Variants in NFIB observed in about 807,000 individuals in gnomAD.
The protein encoded by NFIB is nuclear factor I B.
A neutral mutation model predicts 61.5 loss-of-function variants in NFIB; 11 were observed. That is an observed-to-expected ratio of 0.18 (90% CI 0.11 to 0.30). NFIB has a LOEUF of 0.30. Among genes scored for constraint, NFIB ranks in the 10% least tolerant of loss-of-function variants. The pLI, the probability that NFIB is intolerant of heterozygous loss-of-function variation, is 1.00. For synonymous variants in NFIB, 260 were observed against 216.5 expected (o/e 1.20, Z -1.76); for missense variants, 471 against 608.9 (o/e 0.77, Z 2.38).
At chr9:14,415,294 C>T in the NFIB span, among the ~76,000 whole-genome samples, 2 of 152,196 alleles carry the variant, frequency 1.3e-5, no homozygotes, top group Non-Finnish European at 2.9e-5. Flanking sequence ...TTCATCAAGC[C>T]AGCAAGGAGA....
chr9:14,202,287 G>C (rs2049126007), intron 2 of NFIB, among the ~76,000 whole-genome samples: 2 of 152,164 alleles, frequency 1.3e-5, no homozygotes, highest in African/African-American at 4.8e-5. Flanking sequence ...ATGTGTAAAG[G>C]TGGTATGATG....
At chr9:14,136,903 A>G (rs1014758066) in intron 6 of NFIB, among the ~76,000 whole-genome samples, 5 of 152,192 alleles carry the variant, frequency 3.3e-5, no homozygotes, top group African/African-American at 1.2e-4. Flanking sequence ...TATAAATTGT[A>G]GTGTTTAAGT....
chr9:14,434,231 G>A, the NFIB span, among the ~76,000 whole-genome samples: 9 of 152,186 alleles, frequency 5.9e-5, no homozygotes, highest in African/African-American at 2.2e-4. Context: ...AGTTGTGATA[G>A]GAGAGGATTC....
intron 7 of NFIB, among the ~76,000 whole-genome samples, chr9:14,125,197 G>A (rs1016035875): frequency 8.6e-5 from 13 of 152,016 alleles, no homozygotes; most frequent in African/African-American, 2.7e-4. Flanking sequence ...TCACTCTGTC[G>A]CCTAGGCTGG....
chr9:14,231,135 A>AAAT (rs55959148), intron 2 of NFIB, among the ~76,000 whole-genome samples: 663 of 35,312 alleles, frequency 0.019, 11 homozygotes, highest in East Asian at 0.038. Flanking sequence ...AAAAAAAAAA[A>AAAT]ATATATATAT....
intron 3 of NFIB, among the ~76,000 whole-genome samples, chr9:14,173,879 T>C (rs557637844): frequency 2.6e-5 from 4 of 152,172 alleles, no homozygotes; most frequent in Non-Finnish European, 5.9e-5. Flanking sequence ...GTATTACAAA[T>C]AATCAGGCTA....
the NFIB span, among the ~76,000 whole-genome samples, chr9:14,523,800 C>T: frequency 1.5e-4 from 23 of 152,110 alleles, no homozygotes; most frequent in Non-Finnish European, 3.4e-4. Context: ...GGTCCGTCTG[C>T]TGCCCTACCA....
intron 1 of NFIB, chr9:14,361,292 G>T (rs965132020): frequency 6.6e-6 from 1 of 151,082 alleles, no homozygotes; most frequent in Admixed American, 6.6e-5. Flanking sequence ...GACTTTTGAG[G>T]ATTGCTTTTT....
the NFIB span, among the ~76,000 whole-genome samples, chr9:14,484,789 A>G: frequency 6.6e-6 from 1 of 152,226 alleles, no homozygotes; most frequent in African/African-American, 2.4e-5. Flanking sequence ...AGTCTTGGGG[A>G]GCCTGTATCT....
chr9:14,129,827 C>T (rs2040185722), intron 6 of NFIB, among the ~76,000 whole-genome samples: 1 of 151,936 alleles, frequency 6.6e-6, no homozygotes, highest in African/African-American at 2.4e-5. Context: ...ATAATGCATA[C>T]ATAATAATGC....
chr9:14,174,902 T>C (rs557105253), intron 3 of NFIB, among the ~76,000 whole-genome samples: 1 of 152,130 alleles, frequency 6.6e-6, no homozygotes, highest in African/African-American at 2.4e-5. Context: ...CCTATGCGAA[T>C]TTATCTGCCT....
chr9:14,236,405 A>T (rs1446368892), intron 2 of NFIB, among the ~76,000 whole-genome samples: 1 of 152,216 alleles, frequency 6.6e-6, no homozygotes, highest in Non-Finnish European at 1.5e-5. Context: ...AATTCTGACA[A>T]GCTGCTTATG....
At chr9:14,466,308 C>T in the NFIB span, among the ~76,000 whole-genome samples, 1 of 152,174 alleles carries the variant, frequency 6.6e-6, no homozygotes, top group Non-Finnish European at 1.5e-5. Context: ...GCAGGCAATA[C>T]TAAGGCAGCG....
At chr9:14,088,402 G>A in intron 10 of NFIB, 76 bp from the exon 11 acceptor site, 3 of 1,334,116 alleles carry the variant, frequency 2.2e-6, no homozygotes, top group Non-Finnish European at 2.9e-6. Context: ...AACAATATGA[G>A]AAATATAAAT....
intron 3 of NFIB, among the ~76,000 whole-genome samples, chr9:14,178,954 G>C (rs1397625558): frequency 6.6e-6 from 1 of 152,056 alleles, no homozygotes; most frequent in African/African-American, 2.4e-5. Context: ...CGGGGTTTTT[G>C]TGTTTGGTTT....
intron 2 of NFIB, among the ~76,000 whole-genome samples, chr9:14,275,150 C>A (rs2057909569): frequency 6.6e-6 from 1 of 152,198 alleles, no homozygotes; most frequent in Non-Finnish European, 1.5e-5. Context: ...CTGGACCTTG[C>A]TCTTGTTACT....
At chr9:14,422,936 T>A in the NFIB span, among the ~76,000 whole-genome samples, 1 of 152,212 alleles carries the variant, frequency 6.6e-6, no homozygotes, top group South Asian at 2.1e-4. Context: ...GAAATGTTTC[T>A]ACAGTTCTGG....
At chr9:14,269,426 C>T (rs1588042540) in intron 2 of NFIB, among the ~76,000 whole-genome samples, 1 of 152,098 alleles carries the variant, frequency 6.6e-6, no homozygotes, top group Non-Finnish European at 1.5e-5. Context: ...TACTGCTCCC[C>T]GACCAGGATT....
At chr9:14,292,215 A>T (rs2059150696) in intron 2 of NFIB, among the ~76,000 whole-genome samples, 1 of 152,152 alleles carries the variant, frequency 6.6e-6, no homozygotes, top group South Asian at 2.1e-4. Context: ...AACGCATCCA[A>T]AGAAGCACTG....
Sources: allele counts gnomAD v4.1 joint callset (sites outside exome capture counted in the v4.1 genomes callset), GRCh38; gene constraint gnomAD v4.1.1; transcripts MANE v1.5; gene names NCBI Gene and HGNC (gene_info 2026-07-23, HGNC 2026-07-21).